Variants in CUL1 observed in about 807,000 individuals in gnomAD.
The protein encoded by CUL1 is cullin 1, also known as cullin-1.
Under a neutral mutation model 118.0 loss-of-function variants are expected in CUL1, and 24 were observed. The ratio of observed to expected loss-of-function variants is 0.20; its 90% CI spans 0.15 to 0.29. CUL1 has a LOEUF of 0.29. Among genes scored for constraint, CUL1 ranks in the 10% least tolerant of loss-of-function variants. The probability of loss-of-function intolerance (pLI) is 1.00; values close to 1 mark genes in which losing one functional copy is unlikely to be tolerated. For missense variants in CUL1, 361 were observed against 933.8 expected (o/e 0.39, Z 7.99); for synonymous variants, 332 against 340.4 (o/e 0.98, Z 0.27).
chr7:148,741,729 A>G (rs949592758), intron 2 of CUL1, among the ~76,000 whole-genome samples: 1 of 145,090 alleles, frequency 6.9e-6, no homozygotes, highest in East Asian at 2.0e-4. Context: ...GCGCATCACC[A>G]TGCCCAGCTA....
rs185572925 is a variant in CUL1, at chr7:148,792,720, G to A, written c.1807-6G>A. 3,090 of 1,604,090 alleles carry A rather than the reference G, an allele frequency of 1.9e-3. 9 individuals are homozygous for A. Among genetic ancestry groups the A allele is most frequent in the South Asian group, 4.6e-3 (404 of 88,676 alleles). On this transcript the variant is annotated splice_region_variant and splice_polypyrimidine_tract_variant and intron_variant, in intron 16 of 21. Transcript: ENST00000325222. The stretch of plus-strand genomic sequence containing the variant: ...TTCTTTTTCTTTTATATGGGGGGCC[G>A]CAAAGGCGTCGACATTCCAGATGGC...
intron 1 of CUL1, among the ~76,000 whole-genome samples, chr7:148,725,219 G>GCGCGCACGCGCGCACACACACACACACA: frequency 7.1e-6 from 1 of 140,060 alleles, no homozygotes; most frequent in African/African-American, 2.8e-5. Context: ...ACACGCGCGC[G>GCGCGCACGCGCGCACACACACACACACA]CTCACACACA....
chr7:148,775,932 A>G (rs1299567481), intron 9 of CUL1, among the ~76,000 whole-genome samples: 2 of 151,768 alleles, frequency 1.3e-5, no homozygotes, highest in Non-Finnish European at 2.9e-5. Context: ...GTATCTTCCT[A>G]TCACTTATGC....
At chr7:148,780,417 A>G (rs1214481440) in intron 9 of CUL1, among the ~76,000 whole-genome samples, 1 of 152,254 alleles carries the variant, frequency 6.6e-6, no homozygotes, top group Non-Finnish European at 1.5e-5. Context: ...TTGAAAAGAA[A>G]TGGACGGGTT....
chr7:148,737,726 G>T (rs1426329508), intron 2 of CUL1, among the ~76,000 whole-genome samples: 1 of 151,624 alleles, frequency 6.6e-6, no homozygotes, highest in Non-Finnish European at 1.5e-5. Flanking sequence ...TCAGCCTCCC[G>T]AGTGGCTGGG....
chr7:148,795,379 A>G (rs1055386863), intron 17 of CUL1, among the ~76,000 whole-genome samples: 27 of 149,028 alleles, frequency 1.8e-4, no homozygotes, highest in Non-Finnish European at 3.4e-4. Flanking sequence ...TGACACTTTC[A>G]CCTTGGCCTC....
chr7:148,768,599 G>A (rs1402030795), intron 9 of CUL1, among the ~76,000 whole-genome samples: 2 of 151,898 alleles, frequency 1.3e-5, no homozygotes, highest in Non-Finnish European at 2.9e-5. Context: ...TGGCCAGGCT[G>A]GTCTCAAACT....
chr7:148,743,106 A>G (rs1419691180), intron 2 of CUL1, among the ~76,000 whole-genome samples: 2 of 152,238 alleles, frequency 1.3e-5, no homozygotes, highest in Non-Finnish European at 2.9e-5. Context: ...ATTCCTAATT[A>G]TAATTCCATT....
At chr7:148,709,222 A>G (rs1407173843) in intron 1 of CUL1, among the ~76,000 whole-genome samples, 1 of 152,252 alleles carries the variant, frequency 6.6e-6, no homozygotes, top group Non-Finnish European at 1.5e-5. Context: ...TTTACTGACA[A>G]TTGAGTACAG....
intron 7 of CUL1, among the ~76,000 whole-genome samples, chr7:148,761,774 G>T (rs969088348): frequency 1.3e-5 from 2 of 152,194 alleles, no homozygotes; most frequent in African/African-American, 2.4e-5. Flanking sequence ...TGGCCTACAG[G>T]CTACAGTTTG....
At chr7:148,731,622 C>T (rs1020812013) in intron 2 of CUL1, among the ~76,000 whole-genome samples, 7 of 152,110 alleles carry the variant, frequency 4.6e-5, no homozygotes, top group African/African-American at 1.4e-4. Context: ...CTATCACCAC[C>T]ATCTAATTTT....
In CUL1 at chr7:148,757,069, T is replaced by C. The variant is rs372945709; in HGVS notation, c.402T>C (p.Asn134=). Residue 134 remains asparagine, a synonymous_variant, in exon 4 of 22, where the codon AAT becomes AAC. Coordinates refer to ENST00000325222, the MANE Select transcript of CUL1 (RefSeq NM_003592.3). ...EDYRFSSKVL[N]GICAYLNRHW... is the part of the protein sequence containing the mutation. The stretch of plus-strand genomic sequence containing the variant: ...ATCGATTTTCAAGCAAAGTGCTGAA[T>C]GGAATTTGTGCCTACCTCAATAGAC... 22 of 1,608,674 alleles carry C rather than the reference T, an allele frequency of 1.4e-5. No homozygotes were observed. Among genetic ancestry groups the C allele is most frequent in the Non-Finnish European group, 1.8e-5 (21 of 1,177,856 alleles).
chr7:148,792,636 A>C (rs1243877669), intron 16 of CUL1, 90 bp from the exon 17 acceptor site: 2 of 764,968 alleles, frequency 2.6e-6, no homozygotes, highest in African/African-American at 3.5e-5. Flanking sequence ...TTTCATAAAT[A>C]AGTTCTTCAA....
intron 9 of CUL1, among the ~76,000 whole-genome samples, chr7:148,776,306 G>GATTTTT (rs1563166099): frequency 2.9e-5 from 1 of 33,960 alleles, no homozygotes; most frequent in Non-Finnish European, 5.7e-5. Context: ...ACATAACCAG[G>GATTTTT]CTTTTTTTTT....
chr7:148,709,349 GTTTA>G (rs113239030), intron 1 of CUL1, among the ~76,000 whole-genome samples: 1,884 of 152,258 alleles, frequency 0.012, 38 homozygotes, highest in African/African-American at 0.043. Flanking sequence ...TTTTTCAGAA[GTTTA>G]TTTATTTGCA....
At chr7:148,788,852 G>A (rs1800908832) in intron 14 of CUL1, among the ~76,000 whole-genome samples, 178 bp downstream of exon 14, 1 of 152,220 alleles carries the variant, frequency 6.6e-6, no homozygotes, top group African/African-American at 2.4e-5. Context: ...GTGACATTAG[G>A]AGATGACAAC....
Position 148,767,692 on chromosome 7 carries a change from A to G in CUL1, c.1026A>G (p.Thr342=), listed in dbSNP as rs1800052829. 6.2e-7 allele frequency: 1 copy of G among 1,613,984 alleles called. No homozygotes were observed. The highest frequency in any genetic ancestry group is 8.5e-7 in the Non-Finnish European group (1 of 1,179,860). ...GAGAATTGAAAAAACTGTTGGAGAC[A>G]CACATTCATAATCAGGGTCTTGCAG... ...GLGELKKLLE[T]HIHNQGLAAI... The change falls in exon 9 of 22, where the codon ACA becomes ACG. Residue 342 remains threonine (T), a synonymous_variant. Coordinates refer to ENST00000325222, the MANE Select transcript of CUL1 (RefSeq NM_003592.3).
At chr7:148,772,887 G>A (rs553548955) in intron 9 of CUL1, among the ~76,000 whole-genome samples, 1 of 152,102 alleles carries the variant, frequency 6.6e-6, no homozygotes, top group African/African-American at 2.4e-5. Context: ...TGCCTGTCTC[G>A]GTAGCAAGCT....
intron 7 of CUL1, among the ~76,000 whole-genome samples, chr7:148,763,391 G>A (rs976317387): frequency 6.6e-6 from 1 of 152,132 alleles, no homozygotes; most frequent in Non-Finnish European, 1.5e-5. Flanking sequence ...TGATAATGCA[G>A]AGAGTCTATA....
Sources: allele counts gnomAD v4.1 joint callset (sites outside exome capture counted in the v4.1 genomes callset), GRCh38; gene constraint gnomAD v4.1.1; transcripts MANE v1.5; gene names NCBI Gene and HGNC (gene_info 2026-07-23, HGNC 2026-07-21).